Variants in CNTNAP2 observed in about 807,000 individuals in gnomAD.
CNTNAP2 encodes the protein contactin associated protein 2.
CNTNAP2 carries 98 observed loss-of-function variants against 155.2 expected under a neutral mutation model. The observed-to-expected ratio is 0.63, with a 90% CI of 0.54 to 0.75. The LOEUF (loss-of-function observed/expected upper bound fraction) is 0.75. CNTNAP2 is among the 30% of genes least tolerant of loss of function. CNTNAP2 has a pLI of 0.00. For missense variants in CNTNAP2, 1,727 were observed against 1,688.1 expected (o/e 1.02, Z -0.40); for synonymous variants, 651 against 631.2 (o/e 1.03, Z -0.47).
At chr7:147,472,017 GCAGC>G (rs1240041198) in intron 10 of CNTNAP2, among the ~76,000 whole-genome samples, 1 of 152,086 alleles carries the variant, frequency 6.6e-6, no homozygotes, top group Non-Finnish European at 1.5e-5. Context: ...GTGTGCAAAG[GCAGC>G]CTCACACTTT....
chr7:147,405,053 A>G (rs1240039140), intron 10 of CNTNAP2, among the ~76,000 whole-genome samples: 1 of 152,204 alleles, frequency 6.6e-6, no homozygotes, highest in Non-Finnish European at 1.5e-5. Flanking sequence ...AAAGAAAACT[A>G]TATTTGCTTT....
chr7:146,588,194 T>A (rs1360070516), intron 1 of CNTNAP2, among the ~76,000 whole-genome samples: 3 of 152,174 alleles, frequency 2.0e-5, no homozygotes, highest in Non-Finnish European at 4.4e-5. Context: ...TGTAATTTAT[T>A]ACACTTTGAT....
At chr7:146,774,908 C>CT (rs978685729) in intron 2 of CNTNAP2, among the ~76,000 whole-genome samples, 26 of 152,062 alleles carry the variant, frequency 1.7e-4, no homozygotes, top group African/African-American at 5.8e-4. Context: ...AGTTCTTGAC[C>CT]TTAAATCATG....
intron 11 of CNTNAP2, among the ~76,000 whole-genome samples, chr7:147,536,201 A>G (rs545171252): frequency 1.3e-5 from 2 of 152,292 alleles, no homozygotes; most frequent in South Asian, 4.1e-4. Flanking sequence ...CCTCCTTTGA[A>G]ACTCCTCTCC....
chr7:146,268,879 G>A (rs541749104), intron 1 of CNTNAP2, among the ~76,000 whole-genome samples: 1 of 152,154 alleles, frequency 6.6e-6, no homozygotes, highest in Admixed American at 6.5e-5. Flanking sequence ...CCTGTGTTTT[G>A]AGGGTGAAAC....
chr7:148,056,557 G>A (rs903462826), intron 15 of CNTNAP2: 44 of 152,198 alleles, frequency 2.9e-4, no homozygotes, highest in African/African-American at 1.1e-3. Context: ...GAGTAGCATA[G>A]CATATCTGCT....
At chr7:147,472,497 G>A (rs1798242764) in intron 10 of CNTNAP2, among the ~76,000 whole-genome samples, 1 of 152,114 alleles carries the variant, frequency 6.6e-6, no homozygotes, top group Admixed American at 6.5e-5. Flanking sequence ...ACAGGCGTGA[G>A]CCACCACACT....
chr7:146,879,741 T>G (rs2129208989), intron 3 of CNTNAP2, among the ~76,000 whole-genome samples: 1 of 152,184 alleles, frequency 6.6e-6, no homozygotes, highest in Admixed American at 6.6e-5. Context: ...TCACGGTCAG[T>G]GCTCAGTGAA....
At position 147,347,699 on chromosome 7, in the gene CNTNAP2, TC is replaced by T. The variant is rs1217406693; in HGVS notation, c.1498+47410del. Among the ~76,000 whole-genome samples, 23 of 151,776 alleles carry T rather than the reference TC, an allele frequency of 1.5e-4. No individual in the cohort carries two copies. In the East Asian group the frequency reaches 4.5e-3, roughly 30 times the overall value. On this transcript the variant is annotated intron_variant, in intron 9 of 23. Coordinates refer to ENST00000361727, the MANE Select transcript of CNTNAP2 (RefSeq NM_014141.6). ...AAAAAATTCTAAAATGTGTGTGGGA[TC>T]ACAAAAATCCCAGAGTAGCCAAAGC...
intron 17 of CNTNAP2, among the ~76,000 whole-genome samples, chr7:148,157,484 C>T (rs1156659679): frequency 1.4e-5 from 2 of 146,474 alleles, no homozygotes; most frequent in Non-Finnish European, 3.0e-5. Context: ...ATTCTTTTCT[C>T]AAAATGTGAT....
intron 16 of CNTNAP2, among the ~76,000 whole-genome samples, chr7:148,142,117 G>GTGTGTGTA (rs1477012765): frequency 6.6e-6 from 1 of 151,628 alleles, no homozygotes; most frequent in African/African-American, 2.4e-5. Flanking sequence ...GTGTGTGTGT[G>GTGTGTGTA]TGTGTGTGTG....
chr7:146,844,832 A>G (rs531275790), intron 3 of CNTNAP2, among the ~76,000 whole-genome samples: 4 of 152,164 alleles, frequency 2.6e-5, no homozygotes, highest in Non-Finnish European at 5.9e-5. Context: ...AGTTATTTTT[A>G]AAAACAGTTT....
intron 13 of CNTNAP2, among the ~76,000 whole-genome samples, chr7:147,880,875 G>GTGTC (rs1266947552): frequency 1.9e-5 from 2 of 103,736 alleles, no homozygotes; most frequent in African/African-American, 9.0e-5. Flanking sequence ...GTGTGTGTGT[G>GTGTC]TGTGTGTGTG....
intron 3 of CNTNAP2, among the ~76,000 whole-genome samples, chr7:146,902,135 C>T (rs1040373570): frequency 6.6e-5 from 10 of 151,880 alleles, no homozygotes; most frequent in African/African-American, 1.5e-4. Flanking sequence ...CCACCCGTCT[C>T]GGCCTCCCAA....
At chr7:147,674,754 T>C (rs1469967748) in intron 13 of CNTNAP2, among the ~76,000 whole-genome samples, 2 of 152,156 alleles carry the variant, frequency 1.3e-5, no homozygotes, top group Non-Finnish European at 2.9e-5. Context: ...CTATAGGTTG[T>C]TACATTTTTT....
chr7:147,070,291 C>T (rs1245203369), intron 4 of CNTNAP2, among the ~76,000 whole-genome samples: 1 of 152,162 alleles, frequency 6.6e-6, no homozygotes, highest in Non-Finnish European at 1.5e-5. Flanking sequence ...ATCCGAAACA[C>T]TCAAATAAAA....
intron 21 of CNTNAP2, among the ~76,000 whole-genome samples, chr7:148,356,969 G>A (rs555044041): frequency 7.9e-5 from 12 of 152,016 alleles, no homozygotes; most frequent in African/African-American, 2.7e-4. Context: ...AGTGTAAACT[G>A]ATTTGAAGCG....
intron 1 of CNTNAP2, among the ~76,000 whole-genome samples, chr7:146,760,338 T>C (rs1802071919): frequency 6.6e-6 from 1 of 150,930 alleles, no homozygotes. Flanking sequence ...CTAAAATATC[T>C]TTCACCACTT....
chr7:147,949,553 G>T (rs1800888459), intron 14 of CNTNAP2, among the ~76,000 whole-genome samples: 1 of 151,718 alleles, frequency 6.6e-6, no homozygotes, highest in African/African-American at 2.4e-5. Flanking sequence ...TAGAAACACA[G>T]CTAGGAATAA....
Sources: allele counts gnomAD v4.1 joint callset (sites outside exome capture counted in the v4.1 genomes callset), GRCh38; gene constraint gnomAD v4.1.1; transcripts MANE v1.5; gene names NCBI Gene and HGNC (gene_info 2026-07-23, HGNC 2026-07-21).